The following RGS7 variants were observed in gnomAD, a reference collection of about 807,000 sequenced individuals.
RGS7 encodes the protein regulator of G protein signaling 7, also known as regulator of G-protein signaling 7.
In RGS7, 27 loss-of-function variants were observed where a neutral mutation model predicts 81.1. The observed-to-expected ratio is 0.33, with a 90% confidence interval of 0.25 to 0.46. RGS7 has a LOEUF of 0.46. Among genes scored for constraint, RGS7 ranks in the 20% least tolerant of loss-of-function variants. The pLI is 1.00. For missense variants in RGS7, 396 were observed against 607.4 expected, an observed-to-expected ratio of 0.65 and a Z score of 3.66; for synonymous variants, 208 against 207.7, an observed-to-expected ratio of 1.00 and a Z score of -0.01.
At chr1:241,068,035 T>A (rs2062173649) in intron 3 of RGS7, among the ~76,000 whole-genome samples, 1 of 151,308 alleles carries the variant, frequency 6.6e-6, no homozygotes, top group Admixed American at 6.6e-5. Context: ...TTTAAAATTT[T>A]AAAAAGCAGC....
chr1:241,095,944 T>C (rs2064219226), intron 3 of RGS7, among the ~76,000 whole-genome samples: 1 of 152,308 alleles, frequency 6.6e-6, no homozygotes, highest in African/African-American at 2.4e-5. Flanking sequence ...TAATGGTCCA[T>C]GGAAGTAATG....
In RGS7 at chr1:240,776,194, T is replaced by C. The variant is rs777697981; in HGVS notation, c.*26A>G. 3 of 1,611,920 alleles carry C rather than the reference T, an allele frequency of 1.9e-6. No homozygotes were observed. In the South Asian group the frequency reaches 3.3e-5, roughly 18 times the overall value. ...AGACTGAGCAAGGCTTGTTAACCTC[T>C]TGGACGTGAGAGATTTCCCCTGAGA... On this transcript the variant is annotated 3_prime_UTR_variant, in exon 19 of 19. Coordinates refer to ENST00000440928, the MANE Select transcript of RGS7 (RefSeq NM_001364886.1).
At chr1:240,869,933 T>G (rs1664179297) in intron 7 of RGS7, 122 bp downstream of exon 7, 2 of 890,672 alleles carry the variant, frequency 2.2e-6, no homozygotes. Context: ...AGAGTGAAAC[T>G]CCATCTCAAA....
intron 2 of RGS7, among the ~76,000 whole-genome samples, chr1:241,229,046 T>C (rs1264427680): frequency 7.9e-6 from 1 of 126,926 alleles, no homozygotes; most frequent in Non-Finnish European, 1.6e-5. Flanking sequence ...TAAAATTAGA[T>C]CAAAATAAAA....
At chr1:241,303,135 C>T (rs373469903) in intron 2 of RGS7, among the ~76,000 whole-genome samples, 8 of 145,452 alleles carry the variant, frequency 5.5e-5, no homozygotes, top group Middle Eastern at 3.2e-3. Flanking sequence ...TTTGGATTTG[C>T]GTCCCTGCCC....
At chr1:241,056,162 C>A (rs2148819764) in intron 3 of RGS7, among the ~76,000 whole-genome samples, 1 of 152,302 alleles carries the variant, frequency 6.6e-6, no homozygotes, top group South Asian at 2.1e-4. Context: ...CTCAGGCAGG[C>A]AAGCTCACCC....
At chr1:241,244,422 G>GT (rs2076417669) in intron 2 of RGS7, among the ~76,000 whole-genome samples, 1 of 151,920 alleles carries the variant, frequency 6.6e-6, no homozygotes, top group Admixed American at 6.6e-5. Context: ...CATCTCACCA[G>GT]TTAGAATGGC....
chr1:240,806,226 TG>T lies in RGS7; in HGVS notation c.1182del (p.Ser395ValfsTer17). On this transcript the variant is annotated frameshift_variant, in exon 15 of 19. Coordinates refer to ENST00000440928, the MANE Select transcript of RGS7 (RefSeq NM_001364886.1). LOFTEE classifies it high-confidence loss of function. ...CTCTTGGAATCCAAGTTAATAGCAC[TG>T]GGGGCTCCGGGAGCCAGAAACTCTT... ...IWQEFLAPGA[P>X]SAINLDSKSY... The T allele has an allele frequency of 6.2e-7, 1 of 1,614,052 alleles. No homozygotes were observed. The highest frequency in any genetic ancestry group is 1.3e-5 in the African/African-American group (1 of 75,034).
At chr1:241,303,760 G>A (rs1369158450) in intron 2 of RGS7, among the ~76,000 whole-genome samples, 1 of 152,172 alleles carries the variant, frequency 6.6e-6, no homozygotes, top group Non-Finnish European at 1.5e-5. Context: ...TGTTTGCCCT[G>A]TGGAGTTCTT....
chr1:241,341,961 G>A (rs1292000450), intron 2 of RGS7, among the ~76,000 whole-genome samples: 4 of 140,438 alleles, frequency 2.8e-5, no homozygotes, highest in African/African-American at 1.1e-4. Flanking sequence ...TGCAACCTCT[G>A]CCACCCTGGT....
chr1:240,827,435 G>A lies in RGS7; in HGVS notation c.610-263C>T, dbSNP rs542913214. Among the ~76,000 whole-genome samples, 10 of 152,234 alleles carry A rather than the reference G, an allele frequency of 6.6e-5. No individual in the cohort carries two copies. In the South Asian group the frequency reaches 1.7e-3, roughly 25 times the overall value. ...AGAGAAACAGGAAAAAGAAATACTC[G>A]GACTGCACATGTGAAAGTGGTGTCA... On this transcript the variant is annotated intron_variant, in intron 9 of 18. Coordinates refer to ENST00000440928, the MANE Select transcript of RGS7 (RefSeq NM_001364886.1).
chr1:240,958,183 TG>T (rs1237963657), intron 4 of RGS7, among the ~76,000 whole-genome samples: 1 of 152,206 alleles, frequency 6.6e-6, no homozygotes, highest in Non-Finnish European at 1.5e-5. Flanking sequence ...TTTGTTCCTC[TG>T]AGAAGGCGAA....
intron 2 of RGS7, among the ~76,000 whole-genome samples, chr1:241,343,305 G>A (rs1021416673): frequency 6.6e-6 from 1 of 151,296 alleles, no homozygotes; most frequent in African/African-American, 2.4e-5. Context: ...AGGTGATCCA[G>A]CAATCCCACT....
chr1:241,223,519 G>C (rs76648918), intron 2 of RGS7, among the ~76,000 whole-genome samples: 2,746 of 152,144 alleles, frequency 0.018, 76 homozygotes, highest in African/African-American at 0.063. Flanking sequence ...TGGAAAGCCT[G>C]GCAAGCACGA....
rs1035431434 is a variant in RGS7 at position 241,310,371 on chromosome 1, G to C, written c.78+45328C>G. Among the ~76,000 whole-genome samples the C allele has an allele frequency of 4.0e-5, 6 of 151,798 alleles. No individual in the cohort carries two copies. In the East Asian group the frequency reaches 1.2e-3, roughly 29 times the overall value. ...TAGAGACGAAGGTGTGAGAGTGTGT[G>C]TGTGTGTATGAGTGTGCGTGTGAGT... is the stretch of plus-strand genomic sequence containing the variant. On this transcript the variant is annotated intron_variant, in intron 2 of 18. Transcript: ENST00000440928.
At chr1:241,334,988 T>C (rs1032008118) in intron 2 of RGS7, among the ~76,000 whole-genome samples, 2 of 152,192 alleles carry the variant, frequency 1.3e-5, no homozygotes, top group Admixed American at 6.5e-5. Flanking sequence ...ATAATATCCA[T>C]GGGGCAATTA....
At chr1:241,165,956 C>T (rs2070194573) in intron 2 of RGS7, among the ~76,000 whole-genome samples, 1 of 152,066 alleles carries the variant, frequency 6.6e-6, no homozygotes, top group Non-Finnish European at 1.5e-5. Flanking sequence ...TTCGTAGGCC[C>T]CGCCTCAGAA....
chr1:241,149,323 C>G (rs540143613), intron 2 of RGS7, among the ~76,000 whole-genome samples: 1 of 152,134 alleles, frequency 6.6e-6, no homozygotes, highest in African/African-American at 2.4e-5. Flanking sequence ...TGTGCCACCA[C>G]GCCCAGATAA....
At chr1:241,234,804 G>A (rs2148086293) in intron 2 of RGS7, among the ~76,000 whole-genome samples, 1 of 151,672 alleles carries the variant, frequency 6.6e-6, no homozygotes, top group Admixed American at 6.6e-5. Context: ...CAAACACATA[G>A]TAGTTACTTA....
Sources: allele counts gnomAD v4.1 joint callset (sites outside exome capture counted in the v4.1 genomes callset), GRCh38; gene constraint gnomAD v4.1.1; transcripts MANE v1.5; gene names NCBI Gene and HGNC (gene_info 2026-07-23, HGNC 2026-07-21).